The following DLG2 variants were observed in gnomAD, a reference collection of about 807,000 sequenced individuals.
DLG2 encodes the protein disks large homolog 2.
DLG2 carries 45 observed loss-of-function variants against 132.5 expected under a neutral mutation model. That is an observed-to-expected ratio of 0.34 (90% CI 0.27 to 0.44). The LOEUF (loss-of-function observed/expected upper bound fraction) is 0.44, where lower values mean the gene tolerates loss of function less well. Ranked by LOEUF, DLG2 falls within the 20% of genes least tolerant of loss-of-function variation. The pLI is 1.00. For missense variants in DLG2, 1,045 were observed against 1,196.9 expected, an observed-to-expected ratio of 0.87 and a Z score of 1.87; for synonymous variants, 424 against 419.6, an observed-to-expected ratio of 1.01 and a Z score of -0.13.
rs542514621 is a variant in DLG2, at chr11:84,814,192, C to A, written c.358-279461G>T. ...AGTGGATTGCTGAGCTGTGATCATT[C>A]ATGTGAATTAGTTAGAGACTGTGCC... On this transcript the variant is annotated intron_variant, in intron 6 of 27. Coordinates refer to ENST00000376104, the MANE Select transcript of DLG2 (RefSeq NM_001142699.3). Among the ~76,000 whole-genome samples, 409 of 152,156 alleles carry A rather than the reference C, an allele frequency of 2.7e-3. 1 individual carries two copies. The highest frequency in any genetic ancestry group is 3.4e-3 in the Middle Eastern group (1 of 294).
chr11:84,674,297 C>G (rs1167986010), intron 6 of DLG2, among the ~76,000 whole-genome samples: 2 of 152,080 alleles, frequency 1.3e-5, no homozygotes, highest in Non-Finnish European at 2.9e-5. Context: ...GATTAAAAAT[C>G]TCAAATCCAA....
chr11:85,427,146 T>A (rs1220279358), intron 3 of DLG2, among the ~76,000 whole-genome samples: 2 of 152,088 alleles, frequency 1.3e-5, no homozygotes, highest in African/African-American at 4.8e-5. Context: ...CAAATCTACA[T>A]CGATTGGTGT....
intron 6 of DLG2, among the ~76,000 whole-genome samples, chr11:85,097,431 C>T (rs1401638190): frequency 1.3e-5 from 2 of 152,150 alleles, no homozygotes; most frequent in Admixed American, 6.5e-5. Flanking sequence ...ATGCCTGGGA[C>T]ATAGCAGGCA....
chr11:84,898,624 T>C (rs970540830), intron 6 of DLG2, among the ~76,000 whole-genome samples: 1 of 151,994 alleles, frequency 6.6e-6, no homozygotes, highest in African/African-American at 2.4e-5. Flanking sequence ...CAATTTCTTA[T>C]CCTTTCCTAG....
At chr11:83,998,471 C>T (rs999197497) in intron 11 of DLG2, among the ~76,000 whole-genome samples, 9 of 152,034 alleles carry the variant, frequency 5.9e-5, no homozygotes, top group African/African-American at 1.2e-4. Context: ...AAAAGTGACA[C>T]AAAATACCTA....
At chr11:84,804,687 G>T (rs1336244015) in intron 6 of DLG2, among the ~76,000 whole-genome samples, 1 of 152,262 alleles carries the variant, frequency 6.6e-6, no homozygotes, top group East Asian at 1.9e-4. Context: ...CAAAGGTCCA[G>T]GAAAAGGCAG....
intron 9 of DLG2, among the ~76,000 whole-genome samples, chr11:84,119,666 G>A (rs558174427): frequency 9.2e-5 from 14 of 151,728 alleles, no homozygotes; most frequent in Admixed American, 2.6e-4. Flanking sequence ...TTTTTACCTC[G>A]CTCAAACAAG....
chr11:85,490,747 C>T (rs2153105630), intron 3 of DLG2, among the ~76,000 whole-genome samples: 1 of 151,978 alleles, frequency 6.6e-6, no homozygotes, highest in South Asian at 2.1e-4. Context: ...CCAGATTCAA[C>T]CAGGAAAAAA....
At chr11:85,158,686 G>T (rs952122047) in intron 4 of DLG2, among the ~76,000 whole-genome samples, 4 of 152,126 alleles carry the variant, frequency 2.6e-5, no homozygotes, top group Non-Finnish European at 1.5e-5. Flanking sequence ...GGGGCCAAGC[G>T]GTAGCACTCA....
intron 8 of DLG2, among the ~76,000 whole-genome samples, chr11:84,167,684 G>A (rs77459308): frequency 2.7e-5 from 4 of 148,292 alleles, no homozygotes; most frequent in Admixed American, 6.7e-5. Context: ...TTTTTTTTTC[G>A]AGACGGAGTT....
At chr11:84,857,142 G>T (rs1054259987) in intron 6 of DLG2, among the ~76,000 whole-genome samples, 2 of 151,678 alleles carry the variant, frequency 1.3e-5, no homozygotes, top group Non-Finnish European at 2.9e-5. Context: ...ATACAGACAG[G>T]TTACAATGAA....
At chr11:85,462,586 G>T (rs966336370) in intron 3 of DLG2, among the ~76,000 whole-genome samples, 12 of 151,992 alleles carry the variant, frequency 7.9e-5, no homozygotes, top group Admixed American at 6.5e-5. Context: ...TCACTCATAG[G>T]TGGGAATTGA....
chr11:85,328,928 C>A (rs2152836708), intron 3 of DLG2, among the ~76,000 whole-genome samples: 1 of 115,756 alleles, frequency 8.6e-6, no homozygotes, highest in Admixed American at 9.3e-5. Context: ...TCAGCAAAGT[C>A]TCAGGCTACA....
intron 6 of DLG2, chr11:84,997,565 T>A (rs1470058812): frequency 6.6e-6 from 1 of 152,216 alleles, no homozygotes; most frequent in Admixed American, 6.6e-5. Flanking sequence ...CACCTCAATA[T>A]AACATTGGTG....
At chr11:84,726,632 A>G (rs2062498150) in intron 6 of DLG2, among the ~76,000 whole-genome samples, 1 of 152,112 alleles carries the variant, frequency 6.6e-6, no homozygotes, top group African/African-American at 2.4e-5. Context: ...TACACCCAGT[A>G]ATGAGATTGC....
At chr11:84,926,496 A>G (rs1566417638) in intron 6 of DLG2, among the ~76,000 whole-genome samples, 2 of 152,010 alleles carry the variant, frequency 1.3e-5, no homozygotes, top group Non-Finnish European at 2.9e-5. Context: ...GTTATATATA[A>G]TATTATATGT....
intron 6 of DLG2, among the ~76,000 whole-genome samples, chr11:84,912,788 A>G (rs1256078248): frequency 6.6e-6 from 1 of 152,234 alleles, no homozygotes; most frequent in Non-Finnish European, 1.5e-5. Context: ...TAGGTCTCGC[A>G]GAAGGTAATG....
intron 17 of DLG2, among the ~76,000 whole-genome samples, chr11:83,825,195 TTTTG>T (rs1565221251): frequency 1.2e-5 from 1 of 85,084 alleles, no homozygotes; most frequent in African/African-American, 5.7e-5. Flanking sequence ...TTTTTTTTTT[TTTTG>T]AGATGGAATT....
intron 6 of DLG2, among the ~76,000 whole-genome samples, chr11:84,541,413 A>G (rs1274321099): frequency 6.6e-6 from 1 of 151,862 alleles, no homozygotes; most frequent in Non-Finnish European, 1.5e-5. Flanking sequence ...TTCCTTCATC[A>G]AGCAAACTTT....
Sources: gnomAD v4.1 joint callset for allele counts (sites outside exome capture counted in the v4.1 genomes callset) on GRCh38, gnomAD v4.1.1 for gene constraint, MANE v1.5 for transcripts, NCBI Gene and HGNC (gene_info 2026-07-23, HGNC 2026-07-21) for gene names.